UBE3A: variants seen among roughly 807,000 people sequenced by gnomAD.
The protein encoded by UBE3A is ubiquitin protein ligase E3A, also known as ubiquitin-protein ligase E3A.
In UBE3A, 6 loss-of-function variants were observed where a neutral mutation model predicts 83.4. The observed-to-expected ratio is 0.07, with a 90% CI of 0.04 to 0.14. The LOEUF is 0.14. UBE3A is among the 10% of genes least tolerant of loss of function. UBE3A has a pLI of 1.00. For missense variants in UBE3A, 456 were observed against 1,036.1 expected, an observed-to-expected ratio of 0.44 and a Z score of 7.69; for synonymous variants, 337 against 355.4, an observed-to-expected ratio of 0.95 and a Z score of 0.58.
chr15:25,366,210 G>GAAAGA (rs1385851128), intron 6 of UBE3A, among the ~76,000 whole-genome samples: 1 of 152,110 alleles, frequency 6.6e-6, no homozygotes. Context: ...TAAATCACAA[G>GAAAGA]AAAGAACAAT....
rs1474063789 is a variant in UBE3A, at chr15:25,335,818, G to A, written c.*3319C>T. 1 of 152,192 alleles carries A rather than the reference G, an allele frequency of 6.6e-6. No homozygotes were observed. Among genetic ancestry groups the A allele is most frequent in the Non-Finnish European group, 1.5e-5 (1 of 68,068 alleles). 9.4% of individuals were successfully genotyped at this position (152,192 alleles called of 1,614,324 possible). A position where few individuals can be genotyped will look rare whatever the true frequency, so the allele number is the denominator to read the frequency against. The stretch of plus-strand genomic sequence containing the variant: ...GAGGGAACTGGGCAAGAACAGGTAA[G>A]GACTTTAAGCAGAATTGGAGGAGTA... On this transcript the variant is annotated 3_prime_UTR_variant, in exon 13 of 13. Transcript: ENST00000648336.
At chr15:25,402,168 G>C (rs1304283417) in intron 4 of UBE3A, among the ~76,000 whole-genome samples, 1 of 152,212 alleles carries the variant, frequency 6.6e-6, no homozygotes, top group Non-Finnish European at 1.5e-5. Flanking sequence ...ACTTGTTCCA[G>C]TCTTTGCAGA....
intron 4 of UBE3A, among the ~76,000 whole-genome samples, chr15:25,393,132 C>A (rs1014801175): frequency 6.6e-6 from 1 of 152,060 alleles, no homozygotes; most frequent in East Asian, 1.9e-4. Context: ...GGCAAGCAAT[C>A]CAGTTAGGTA....
At chr15:25,398,749 C>A (rs1360465796) in intron 4 of UBE3A, among the ~76,000 whole-genome samples, 1 of 124,686 alleles carries the variant, frequency 8.0e-6, no homozygotes, top group Admixed American at 8.8e-5. Context: ...ATCTCTTCAG[C>A]GCACTGATTT....
chr15:25,428,379 A>G (rs1451396378), intron 1 of UBE3A, among the ~76,000 whole-genome samples: 1 of 152,236 alleles, frequency 6.6e-6, no homozygotes, highest in Non-Finnish European at 1.5e-5. Flanking sequence ...ATATAAAAAG[A>G]GGATTTCTTA....
intron 1 of UBE3A, among the ~76,000 whole-genome samples, chr15:25,434,317 G>A (rs767146445): frequency 6.6e-5 from 10 of 152,140 alleles, no homozygotes; most frequent in Non-Finnish European, 2.9e-5. Flanking sequence ...TGTGGCTCAT[G>A]CCTGTAATCC....
intron 7 of UBE3A, among the ~76,000 whole-genome samples, chr15:25,357,904 T>C (rs2077457542): frequency 7.0e-5 from 5 of 71,402 alleles, no homozygotes; most frequent in African/African-American, 4.5e-4. Context: ...CATGGAGGCT[T>C]TTTTTTTTTT....
chr15:25,359,498 G>C (rs1392369719), intron 7 of UBE3A, among the ~76,000 whole-genome samples: 1 of 148,906 alleles, frequency 6.7e-6, no homozygotes, highest in African/African-American at 2.5e-5. Flanking sequence ...AACTCAATTA[G>C]AATCAACAGG....
intron 1 of UBE3A, among the ~76,000 whole-genome samples, chr15:25,428,255 T>C (rs1471653283): frequency 6.6e-6 from 1 of 152,300 alleles, no homozygotes; most frequent in East Asian, 1.9e-4. Flanking sequence ...ATTCAATACT[T>C]AATGCTGGAA....
Position 25,371,058 on chromosome 15 carries a change from C to G in UBE3A, c.1116G>C (p.Leu372Phe). The G allele has an allele frequency of 6.2e-7, 1 of 1,613,982 alleles. No individual in the cohort carries two copies. The highest frequency in any genetic ancestry group is 8.5e-7 in the Non-Finnish European group (1 of 1,179,890). The stretch of plus-strand genomic sequence containing the variant: ...CTACATTTGCATAGTAAACCATTTT[C>G]AAGCACTTCGAAGCAGCAACAATGG... ...DDAIVAASKC[L>F]KMVYYANVVG... Residue 372 changes from leucine (L) to phenylalanine (F), a missense_variant, in exon 6 of 13, where the codon TTG becomes TTC. Physicochemically the swap from Leu to Phe is conservative, Grantham distance 22. This residue lies in a region of UBE3A where 85 missense variants were observed against 137.0 expected (regional missense o/e 0.62). Transcript: ENST00000648336. This position sits in a 1 kb window ranked among gnomAD's most constrained non-coding sequence, Gnocchi z 5.3.
rs530935629 is a variant in UBE3A, at chr15:25,337,936, G to GAATT, written c.*1197_*1200dup. On this transcript the variant is annotated 3_prime_UTR_variant, in exon 13 of 13. Transcript: ENST00000648336. Reference sequence around the variant, plus strand: ...ATGAAAGTAACGTTTAACATGTTTTGAATTAATTAATTAAATTTAATCTGT... The same window carrying GAATT: ...ATGAAAGTAACGTTTAACATGTTTTGAATTAATTAATTAATTAAATTTAATCTGT... 2.6e-5 allele frequency: 4 copies of GAATT among 151,992 alleles called. No homozygotes were observed. Among genetic ancestry groups the GAATT allele is most frequent in the Non-Finnish European group, 5.9e-5 (4 of 67,998 alleles). The allele number at this position is 151,992 out of a possible 1,614,324, so 9.4% of individuals were successfully genotyped here. A position where few individuals can be genotyped will look rare whatever the true frequency, so the allele number is the denominator to read the frequency against.
At chr15:25,381,761 A>G (rs911451580) in intron 4 of UBE3A, among the ~76,000 whole-genome samples, 1 of 152,300 alleles carries the variant, frequency 6.6e-6, no homozygotes, top group South Asian at 2.1e-4. Flanking sequence ...GAGCAACGGT[A>G]TCCTAAATAG....
At chr15:25,353,525 C>T (rs2076811019) in intron 11 of UBE3A, among the ~76,000 whole-genome samples, 1 of 152,156 alleles carries the variant, frequency 6.6e-6, no homozygotes, top group Non-Finnish European at 1.5e-5. Flanking sequence ...GAAAAAAAAT[C>T]TGCATGTCAG....
chr15:25,424,944 CT>C (rs1380920377), intron 1 of UBE3A, among the ~76,000 whole-genome samples: 1 of 152,000 alleles, frequency 6.6e-6, no homozygotes, highest in Non-Finnish European at 1.5e-5. Flanking sequence ...CCAAATAGAC[CT>C]ACAGATTCAA....
At chr15:25,382,983 A>G (rs1238478443) in intron 4 of UBE3A, among the ~76,000 whole-genome samples, 4 of 148,320 alleles carry the variant, frequency 2.7e-5, no homozygotes, top group Non-Finnish European at 5.9e-5. Flanking sequence ...AAACTCTACC[A>G]AACATTTAAA....
In UBE3A at chr15:25,370,921, T is replaced by C; in HGVS notation, c.1253A>G (p.Lys418Arg). ...ELLGEERRNK[K>R]GPRVDPLETE... ...TTCCAGGGGGTCCACTCGAGGACCTTTCTTGTTTCTTCTTTCTTCTCCCAA... is the reference window on the plus strand; with the variant it reads ...TTCCAGGGGGTCCACTCGAGGACCTCTCTTGTTTCTTCTTTCTTCTCCCAA... Residue 418 changes from lysine to arginine, a missense_variant, in exon 6 of 13, where the codon AAA (lysine) becomes AGA (arginine). Around this residue, in one of 13 missense-constraint regions of UBE3A, gnomAD observed 85 missense variants for 137.0 expected, o/e 0.62. Transcript: ENST00000648336. This position sits in a 1 kb window ranked among gnomAD's most constrained non-coding sequence, Gnocchi z 4.2. 1.2e-6 allele frequency: 2 copies of C among 1,614,090 alleles called. No individual in the cohort carries two copies. The highest frequency in any genetic ancestry group is 8.5e-7 in the Non-Finnish European group (1 of 1,180,004).
chr15:25,375,766 G>C lies in UBE3A; in HGVS notation c.63-3C>G. On this transcript the variant is annotated splice_region_variant and splice_polypyrimidine_tract_variant and intron_variant, in intron 4 of 12. Coordinates refer to ENST00000648336, the MANE Select transcript of UBE3A (RefSeq NM_130839.5). ...GATGCTTTGCAGCTGCTCGCTTCCTGTACCAAACATTCAAACAATAAGCAC... is the reference window on the plus strand; with the variant it reads ...GATGCTTTGCAGCTGCTCGCTTCCTCTACCAAACATTCAAACAATAAGCAC... The C allele has an allele frequency of 6.2e-7, 1 of 1,608,134 alleles. No homozygotes were observed. The highest frequency in any genetic ancestry group is 8.5e-7 in the Non-Finnish European group (1 of 1,179,986).
chr15:25,408,523 T>C, intron 3 of UBE3A: 1 of 1,442,342 alleles, frequency 6.9e-7, no homozygotes, highest in Non-Finnish European at 9.8e-7. Flanking sequence ...TGAGAATCAA[T>C]TTTAGGTCTT....
chr15:25,367,229 T>TTGTAAATATGTAAATATTTACATATC (rs2079374815), intron 6 of UBE3A, among the ~76,000 whole-genome samples: 2 of 79,694 alleles, frequency 2.5e-5, no homozygotes. Flanking sequence ...ATTTACATAT[T>TTGTAAATATGTAAATATTTACATATC]TGTAAATATG....
Sources: allele counts gnomAD v4.1 joint callset (sites outside exome capture counted in the v4.1 genomes callset), GRCh38; gene constraint gnomAD v4.1.1; regional missense constraint gnomAD v4.1.1; non-coding constraint Gnocchi (gnomAD v3.1); transcripts MANE v1.5; gene names NCBI Gene and HGNC (gene_info 2026-07-23, HGNC 2026-07-21).